Variants in SUZ12 observed in about 807,000 individuals in gnomAD.
The protein encoded by SUZ12 is SUZ12 polycomb repressive complex 2 subunit, also known as polycomb protein SUZ12.
Under a neutral mutation model 87.3 loss-of-function variants are expected in SUZ12, and 17 were observed. The observed-to-expected ratio is 0.19, with a 90% CI of 0.13 to 0.29. The LOEUF is 0.29. Among genes scored for constraint, SUZ12 ranks in the 10% least tolerant of loss-of-function variants. The pLI, the probability that SUZ12 is intolerant of heterozygous loss-of-function variation, is 1.00. For synonymous variants in SUZ12, 253 were observed against 312.4 expected, an observed-to-expected ratio of 0.81 and a Z score of 2.01; for missense variants, 526 against 912.2, an observed-to-expected ratio of 0.58 and a Z score of 5.45.
chr17:31,987,855 T>A (rs1909496524), intron 9 of SUZ12, among the ~76,000 whole-genome samples: 1 of 152,032 alleles, frequency 6.6e-6, no homozygotes, highest in African/African-American at 2.4e-5. Context: ...GGAGAATTGC[T>A]TGAACCTGGG....
intron 2 of SUZ12, 24 bp downstream of exon 2, chr17:31,940,356 A>C: frequency 6.2e-7 from 1 of 1,610,820 alleles, no homozygotes; most frequent in Non-Finnish European, 8.5e-7. Context: ...AAAATTCATC[A>C]ATATTATTTC....
At chr17:31,968,743 C>T (rs147284152) in intron 5 of SUZ12, among the ~76,000 whole-genome samples, 12 of 152,166 alleles carry the variant, frequency 7.9e-5, no homozygotes, top group Admixed American at 3.3e-4. Context: ...GTACTTCTGA[C>T]GTGTCTAGAC....
chr17:31,959,835 A>G (rs1907587799), intron 4 of SUZ12, among the ~76,000 whole-genome samples: 2 of 152,246 alleles, frequency 1.3e-5, no homozygotes, highest in African/African-American at 4.8e-5. Flanking sequence ...ACTGTATCAG[A>G]ACTGTCAGAT....
chr17:31,998,745 A>C lies in SUZ12; in HGVS notation c.1962A>C (p.Arg654=). ...AAATAATTAAGAAGAATTTATGTCG[A>C]AACTTCATGCTTCATCTAGTCAGCA... The part of the protein sequence containing the change: ...GQKIIKKNLC[R]NFMLHLVSMH... Residue 654 remains arginine, a synonymous_variant, in exon 16 of 16, where the codon CGA becomes CGC. Transcript: ENST00000322652. 1 of 1,608,384 alleles carries C rather than the reference A, an allele frequency of 6.2e-7. No individual in the cohort carries two copies. Among genetic ancestry groups the C allele is most frequent in the Non-Finnish European group, 8.5e-7 (1 of 1,176,998 alleles).
chr17:31,993,049 T>C (rs1909804206), intron 10 of SUZ12, among the ~76,000 whole-genome samples, 193 bp from the exon 11 acceptor site: 1 of 152,222 alleles, frequency 6.6e-6, no homozygotes, highest in Non-Finnish European at 1.5e-5. Flanking sequence ...CAATAGACCT[T>C]AACATCAGAT....
At chr17:31,960,296 C>T (rs2627079) in intron 4 of SUZ12, among the ~76,000 whole-genome samples, 4 of 152,144 alleles carry the variant, frequency 2.6e-5, no homozygotes, top group East Asian at 1.9e-4. Flanking sequence ...CTGCAACCTC[C>T]GCCTCCCAGG....
chr17:31,986,451 C>T (rs953975198), intron 9 of SUZ12, among the ~76,000 whole-genome samples: 2 of 152,022 alleles, frequency 1.3e-5, no homozygotes, highest in Non-Finnish European at 2.9e-5. Context: ...ATACTTGAAC[C>T]TGTATCAAGT....
intron 14 of SUZ12, 71 bp from the exon 15 acceptor site, chr17:31,996,725 TTC>T (rs1464918390): frequency 7.1e-5 from 74 of 1,049,108 alleles, no homozygotes; most frequent in Admixed American, 6.7e-4. Flanking sequence ...TTCCAAAACA[TTC>T]TGTTTTTGAC....
chr17:31,951,624 G>A (rs960901326), intron 4 of SUZ12, among the ~76,000 whole-genome samples: 5 of 151,704 alleles, frequency 3.3e-5, no homozygotes, highest in East Asian at 3.9e-4. Flanking sequence ...GGTCAGGTGC[G>A]TGCCACCACG....
chr17:31,986,589 G>C (rs1290649248), intron 9 of SUZ12, among the ~76,000 whole-genome samples: 1 of 151,666 alleles, frequency 6.6e-6, no homozygotes, highest in East Asian at 1.9e-4. Flanking sequence ...GTCTTGCTCT[G>C]TCTCCAGGCT....
intron 4 of SUZ12, among the ~76,000 whole-genome samples, chr17:31,956,579 C>CT (rs1207529792): frequency 2.6e-5 from 4 of 152,162 alleles, no homozygotes; most frequent in Non-Finnish European, 4.4e-5. Flanking sequence ...GGATTGTAAT[C>CT]TGAGTTCCAG....
At position 31,949,675 on chromosome 17, in the gene SUZ12, CCTT is replaced by C. The variant is rs1906839395; in HGVS notation, c.455+1991_455+1993del. On this transcript the variant is annotated intron_variant, in intron 4 of 15. Coordinates refer to ENST00000322652, the MANE Select transcript of SUZ12 (RefSeq NM_015355.4). ...ACCACACCCAGCCCCCCCCCCCCCC[CCTT>C]TTTTTTTTTTTTTTTTTTTTTTTTT... 2.2e-3 allele frequency among the ~76,000 whole-genome samples: 55 copies of C among 24,500 alleles called. 1 individual carries two copies. The highest frequency in any genetic ancestry group is 4.0e-3 in the Non-Finnish European group (46 of 11,536). 16.1% of individuals were successfully genotyped at this position (24,500 alleles called of 152,430 possible).
chr17:31,984,791 TAA>T (rs1909314332), intron 9 of SUZ12, among the ~76,000 whole-genome samples: 1 of 152,224 alleles, frequency 6.6e-6, no homozygotes, highest in African/African-American at 2.4e-5. Flanking sequence ...CGACAAAGAT[TAA>T]AAGTTTGACA....
intron 3 of SUZ12, among the ~76,000 whole-genome samples, chr17:31,943,455 C>T (rs1906425010): frequency 6.6e-6 from 1 of 151,906 alleles, no homozygotes. Flanking sequence ...TAATACAGGC[C>T]TACAAATGAG....
chr17:31,954,009 G>A (rs188794774), intron 4 of SUZ12, among the ~76,000 whole-genome samples: 1 of 151,964 alleles, frequency 6.6e-6, no homozygotes, highest in South Asian at 2.1e-4. Flanking sequence ...ACCGAGCCCG[G>A]CTCATTTTTA....
At chr17:31,950,895 C>G (rs953100195) in intron 4 of SUZ12, among the ~76,000 whole-genome samples, 2 of 152,156 alleles carry the variant, frequency 1.3e-5, no homozygotes, top group Admixed American at 6.5e-5. Flanking sequence ...ATTCTCCTGC[C>G]TCAGCCTCCC....
At chr17:31,969,046 C>T (rs1342512724) in intron 5 of SUZ12, among the ~76,000 whole-genome samples, 1 of 152,200 alleles carries the variant, frequency 6.6e-6, no homozygotes, top group East Asian at 1.9e-4. Context: ...AGTTTGATCT[C>T]AGATCACTGC....
intron 4 of SUZ12, among the ~76,000 whole-genome samples, chr17:31,955,110 T>G (rs907815836): frequency 2.0e-5 from 3 of 152,062 alleles, no homozygotes; most frequent in Non-Finnish European, 4.4e-5. Context: ...ATTTTTTATT[T>G]TACTTTTTAG....
chr17:31,972,300 AAT>A (rs1009766479), intron 5 of SUZ12, among the ~76,000 whole-genome samples: 2 of 151,030 alleles, frequency 1.3e-5, no homozygotes, highest in Non-Finnish European at 2.9e-5. Flanking sequence ...GGAATTAGGA[AAT>A]ATATATATGT....
Sources: allele counts gnomAD v4.1 joint callset (sites outside exome capture counted in the v4.1 genomes callset), GRCh38; gene constraint gnomAD v4.1.1; transcripts MANE v1.5; gene names NCBI Gene and HGNC (gene_info 2026-07-23, HGNC 2026-07-21).